The following MYO16 variants were observed in gnomAD, a reference collection of about 807,000 sequenced individuals.
MYO16 encodes myosin XVI.
Under a neutral mutation model 205.3 loss-of-function variants are expected in MYO16, and 94 were observed. The observed-to-expected ratio is 0.46, with a 90% CI of 0.39 to 0.54. MYO16 has a LOEUF of 0.54. Ranked by LOEUF, MYO16 falls within the 20% of genes least tolerant of loss-of-function variation. The pLI is 0.00. For synonymous variants in MYO16, 988 were observed against 954.0 expected (o/e 1.04, Z -0.66); for missense variants, 2,315 against 2,387.5 (o/e 0.97, Z 0.63).
chr13:108,497,433 A>T, the MYO16 span, among the ~76,000 whole-genome samples: 2 of 152,218 alleles, frequency 1.3e-5, no homozygotes, highest in Non-Finnish European at 2.9e-5. Context: ...TTGTAAGCAT[A>T]TGAGGTTTAC....
intron 4 of MYO16, among the ~76,000 whole-genome samples, chr13:108,740,915 G>C (rs1278869233): frequency 6.6e-6 from 1 of 152,180 alleles, no homozygotes; most frequent in African/African-American, 2.4e-5. Context: ...GGCTCTGTGG[G>C]CGTGGGACCC....
chr13:108,553,005 CTTTTTTTTTTT>C, the MYO16 span, among the ~76,000 whole-genome samples: 4 of 64,912 alleles, frequency 6.2e-5, no homozygotes, highest in African/African-American at 9.9e-5. Context: ...CTTTAATACT[CTTTTTTTTTTT>C]TTTTTTTTTT....
intron 5 of MYO16, among the ~76,000 whole-genome samples, chr13:108,788,506 C>G (rs927991504): frequency 6.6e-6 from 1 of 152,190 alleles, no homozygotes; most frequent in Non-Finnish European, 1.5e-5. Context: ...ATAATGGATA[C>G]ATTATACACA....
intron 13 of MYO16, among the ~76,000 whole-genome samples, chr13:108,884,315 G>A (rs946573795): frequency 6.6e-6 from 1 of 152,238 alleles, no homozygotes; most frequent in African/African-American, 2.4e-5. Context: ...TAGTTTTCTA[G>A]TTTTCAAAGC....
chr13:108,937,783 G>C (rs1882556610), intron 16 of MYO16, among the ~76,000 whole-genome samples: 1 of 151,996 alleles, frequency 6.6e-6, no homozygotes, highest in Admixed American at 6.5e-5. Flanking sequence ...TCATTTCCTT[G>C]ATTGTTTTGG....
intron 2 of MYO16, among the ~76,000 whole-genome samples, chr13:108,670,773 A>G (rs1179295051): frequency 6.6e-6 from 1 of 152,196 alleles, no homozygotes. Context: ...AGTTTTTAGA[A>G]TACATCTGTC....
intron 10 of MYO16, among the ~76,000 whole-genome samples, chr13:108,849,049 G>A (rs1215805567): frequency 6.6e-6 from 1 of 152,084 alleles, no homozygotes; most frequent in African/African-American, 2.4e-5. Context: ...AACAAAAGGA[G>A]GGCAAAACTA....
chr13:108,584,083 A>G, the MYO16 span, among the ~76,000 whole-genome samples: 6 of 151,980 alleles, frequency 3.9e-5, no homozygotes, highest in African/African-American at 1.4e-4. Context: ...CCTCCCAAGT[A>G]TCTGGGACTA....
intron 32 of MYO16, among the ~76,000 whole-genome samples, chr13:109,163,058 A>G (rs1400400195): frequency 6.6e-6 from 1 of 152,184 alleles, no homozygotes; most frequent in Non-Finnish European, 1.5e-5. Context: ...TCGCTGGATC[A>G]TTTAAATTTA....
intron 16 of MYO16, among the ~76,000 whole-genome samples, chr13:108,928,755 A>G (rs988408645): frequency 2.0e-5 from 3 of 152,238 alleles, no homozygotes; most frequent in Non-Finnish European, 2.9e-5. Context: ...AAAATGCCTA[A>G]AAGTAAAATA....
chr13:108,617,975 A>G (rs1879408174), intron 1 of MYO16, among the ~76,000 whole-genome samples: 1 of 152,062 alleles, frequency 6.6e-6, no homozygotes, highest in Admixed American at 6.6e-5. Flanking sequence ...AGCACCTAGA[A>G]AGCTGGTCTT....
intron 1 of MYO16, 62 bp downstream of exon 1, chr13:108,629,934 AGATGC>A: frequency 7.0e-7 from 1 of 1,438,456 alleles, no homozygotes; most frequent in African/African-American, 1.4e-5. Context: ...TATTTTGTGC[AGATGC>A]CAAAATTAAG....
intron 20 of MYO16, among the ~76,000 whole-genome samples, chr13:108,974,422 G>A (rs1884177063): frequency 2.0e-5 from 3 of 151,944 alleles, no homozygotes; most frequent in Admixed American, 2.0e-4. Context: ...CATAAATACA[G>A]TTTTCCATAT....
Position 108,785,615 on chromosome 13 carries a change from A to AT in MYO16, c.508-13dup, listed in dbSNP as rs754199305. 13 of 1,484,988 alleles carry AT rather than the reference A, an allele frequency of 8.8e-6. No homozygotes were observed. The highest frequency in any genetic ancestry group is 6.8e-5 in the East Asian group (3 of 43,978). 92.0% of individuals were successfully genotyped at this position (1,484,988 alleles called of 1,614,324 possible). On this transcript the variant is annotated intron_variant, in intron 4 of 34. Transcript: ENST00000457511. Reference sequence around the variant, plus strand: ...ATTTAAACAGTATATATGATGTTATATTTTTTTCTTTTTATCTAGGCTGGA... The same window carrying AT: ...ATTTAAACAGTATATATGATGTTATATTTTTTTTCTTTTTATCTAGGCTGGA...
At chr13:108,674,896 G>A (rs1319957992) in intron 2 of MYO16, among the ~76,000 whole-genome samples, 1 of 152,140 alleles carries the variant, frequency 6.6e-6, no homozygotes, top group Non-Finnish European at 1.5e-5. Flanking sequence ...AAATGGGGAG[G>A]CAACATTCCC....
At chr13:109,171,625 G>C (rs1159396370) in intron 33 of MYO16, among the ~76,000 whole-genome samples, 1 of 152,144 alleles carries the variant, frequency 6.6e-6, no homozygotes, top group Admixed American at 6.5e-5. Flanking sequence ...CCCTGGACTT[G>C]TGGTTATTTA....
intron 6 of MYO16, among the ~76,000 whole-genome samples, chr13:108,798,741 C>T (rs1886876134): frequency 8.5e-6 from 1 of 118,338 alleles, no homozygotes; most frequent in Non-Finnish European, 1.7e-5. Context: ...CTCTGTCGCC[C>T]AGGCCGGACT....
At chr13:108,890,896 T>C (rs1367705743) in intron 14 of MYO16, among the ~76,000 whole-genome samples, 1 of 152,226 alleles carries the variant, frequency 6.6e-6, no homozygotes, top group African/African-American at 2.4e-5. Flanking sequence ...TACTCTCTGC[T>C]GAAGCCACCT....
the MYO16 span, among the ~76,000 whole-genome samples, chr13:108,496,172 G>T: frequency 1.3e-5 from 2 of 152,062 alleles, no homozygotes; most frequent in Non-Finnish European, 2.9e-5. Flanking sequence ...GAAAGGAATC[G>T]CGGGGACTTC....
Sources: allele counts gnomAD v4.1 joint callset (sites outside exome capture counted in the v4.1 genomes callset), GRCh38; gene constraint gnomAD v4.1.1; transcripts MANE v1.5; gene names NCBI Gene and HGNC (gene_info 2026-07-23, HGNC 2026-07-21).